Variants in SLC12A1 observed in about 807,000 individuals in gnomAD.
SLC12A1 encodes the protein solute carrier family 12 member 1.
A neutral mutation model predicts 130.4 loss-of-function variants in SLC12A1; 89 were observed. That is an observed-to-expected ratio of 0.68 (90% CI 0.58 to 0.81). The LOEUF (loss-of-function observed/expected upper bound fraction) is 0.81. Ranked by LOEUF, SLC12A1 falls within the 40% of genes least tolerant of loss-of-function variation. The pLI is 0.00. For synonymous variants in SLC12A1, 499 were observed against 460.0 expected, an observed-to-expected ratio of 1.08 and a Z score of -1.09; for missense variants, 1,310 against 1,336.4, an observed-to-expected ratio of 0.98 and a Z score of 0.31.
intron 2 of SLC12A1, among the ~76,000 whole-genome samples, chr15:48,210,612 T>C (rs1482987277): frequency 6.6e-6 from 1 of 151,514 alleles, no homozygotes; most frequent in Non-Finnish European, 1.5e-5. Context: ...CCTAGCACTT[T>C]GGGAGGCTGA....
At chr15:48,250,450 G>C (rs2041633792) in intron 14 of SLC12A1, among the ~76,000 whole-genome samples, 1 of 152,138 alleles carries the variant, frequency 6.6e-6, no homozygotes, top group African/African-American at 2.4e-5. Flanking sequence ...CGAATACTAG[G>C]CTACAGAAAG....
chr15:48,246,610 G>A lies in SLC12A1; in HGVS notation c.1453-299G>A, dbSNP rs185224395. On this transcript the variant is annotated intron_variant, in intron 11 of 26. Transcript: ENST00000380993. ...AGCCTGGCCAACATGGTGAAACCCC[G>A]TCTCTACTAGAAATACAAAAATTAG... Among the ~76,000 whole-genome samples, 497 of 152,186 alleles carry A rather than the reference G, an allele frequency of 3.3e-3. 2 individuals carry two copies. Among genetic ancestry groups the A allele is most frequent in the South Asian group, 0.018 (86 of 4,820 alleles).
In SLC12A1 at chr15:48,220,938, C is replaced by T. The variant is rs750745182; in HGVS notation, c.570C>T (p.Asn190=). ...VKGVLVRCML[N]IWGVMLFIRL... is the part of the protein sequence containing the mutation. The stretch of plus-strand genomic sequence containing the variant: ...ATCCACAGGTAAGATGCATGCTGAA[C>T]ATCTGGGGAGTCATGCTCTTCATTC... Residue 190 remains asparagine, a synonymous_variant, in exon 4 of 27, where the codon AAC becomes AAT. Coordinates refer to ENST00000380993, the MANE Select transcript of SLC12A1 (RefSeq NM_000338.3). 1.9e-6 allele frequency: 3 copies of T among 1,613,996 alleles called. No homozygotes were observed. Among genetic ancestry groups the T allele is most frequent in the South Asian group, 2.2e-5 (2 of 91,082 alleles).
chr15:48,288,486 A>G lies in SLC12A1; in HGVS notation c.2843A>G (p.Lys948Arg), dbSNP rs1389145789. The G allele has an allele frequency of 6.5e-7, 1 of 1,549,934 alleles. No homozygotes were observed. The highest frequency in any genetic ancestry group is 2.4e-5 in the East Asian group (1 of 41,810). The change falls in exon 23 of 27, where the codon AAG becomes AGG. Residue 948 changes from lysine (K) to arginine (R), a missense_variant. By Grantham distance (26) the Lys-to-Arg change is conservative. Transcript: ENST00000380993. Reference sequence around the variant, plus strand: ...AAATTAAGAATCTATGTGGGAGGGAAGATCAACCGCATTGAAGAAGAAAAA... The same window carrying G: ...AAATTAAGAATCTATGTGGGAGGGAGGATCAACCGCATTGAAGAAGAAAAA... ...DCKLRIYVGG[K>R]INRIEEEKIV...
At chr15:48,255,740 T>A in intron 15 of SLC12A1, 71 bp from the exon 16 acceptor site, 1 of 945,144 alleles carries the variant, frequency 1.1e-6, no homozygotes, top group Non-Finnish European at 1.6e-6. Context: ...AGGGAATGAC[T>A]TGTAAAATTA....
chr15:48,283,392 T>C (rs2042027409), intron 20 of SLC12A1, among the ~76,000 whole-genome samples: 1 of 152,258 alleles, frequency 6.6e-6, no homozygotes, highest in African/African-American at 2.4e-5. Flanking sequence ...ATGCAGCTTG[T>C]CTTCTCCTTT....
chr15:48,260,344 T>A (rs1360611639), intron 17 of SLC12A1, among the ~76,000 whole-genome samples: 1 of 77,726 alleles, frequency 1.3e-5, no homozygotes, highest in African/African-American at 5.2e-5. Context: ...TCTCTCTCTC[T>A]CTATCACACA....
chr15:48,223,487 G>C (rs2041242461), intron 4 of SLC12A1: 1 of 152,152 alleles, frequency 6.6e-6, no homozygotes. Context: ...ATAAAACTTT[G>C]TTCCAAGATT....
At chr15:48,295,269 A>T (rs2042165400) in intron 24 of SLC12A1, among the ~76,000 whole-genome samples, 1 of 152,082 alleles carries the variant, frequency 6.6e-6, no homozygotes, top group Non-Finnish European at 1.5e-5. Context: ...TTAGCTAAGC[A>T]TTATCAATGT....
chr15:48,282,330 G>A (rs2042016535), intron 20 of SLC12A1, among the ~76,000 whole-genome samples: 1 of 152,136 alleles, frequency 6.6e-6, no homozygotes, highest in Non-Finnish European at 1.5e-5. Flanking sequence ...TGGATGGGCT[G>A]TGCACATACC....
intron 25 of SLC12A1, among the ~76,000 whole-genome samples, chr15:48,300,051 G>A (rs190596710): frequency 3.3e-5 from 5 of 152,236 alleles, no homozygotes; most frequent in Admixed American, 2.6e-4. Flanking sequence ...AAATCTTAGG[G>A]CCGGGTGCAC....
rs2042084242 is a variant in SLC12A1, at chr15:48,288,526, T to G, written c.2873+10T>G. On this transcript the variant is annotated intron_variant, in intron 23 of 26. Transcript: ENST00000380993. The stretch of plus-strand genomic sequence containing the variant: ...AAGAAGAAAAAATTGTGTAAGTAGT[T>G]TGCCACTCACATGTTAGGTCATTTC... 1.6e-6 allele frequency: 2 copies of G among 1,243,934 alleles called. No homozygotes were observed. The highest frequency in any genetic ancestry group is 2.3e-6 in the Non-Finnish European group (2 of 867,172). 77.1% of individuals were successfully genotyped at this position (1,243,934 alleles called of 1,614,324 possible). A position where few individuals can be genotyped will look rare whatever the true frequency, so the allele number is the denominator to read the frequency against.
intron 24 of SLC12A1, among the ~76,000 whole-genome samples, chr15:48,296,298 G>C (rs547880389): frequency 6.6e-6 from 1 of 152,308 alleles, no homozygotes; most frequent in African/African-American, 2.4e-5. Context: ...AGTAAGTCTT[G>C]ATGGAGGAAT....
Position 48,207,801 on chromosome 15 carries a change from G to A in SLC12A1, c.82G>A (p.Glu28Lys). ...TNRFQVSVINENHESSAAADD... is the reference protein window; with the variant it reads ...TNRFQVSVINKNHESSAAADD... The stretch of plus-strand genomic sequence containing the variant: ...TCGCTTTCAAGTTAGTGTCATAAAT[G>A]AGAACCATGAGAGCAGTGCAGCTGC... The change falls in exon 2 of 27, where the codon GAG (glutamate) becomes AAG (lysine). Residue 28 changes from glutamate (E) to lysine (K), a missense_variant. Transcript: ENST00000380993. 1.9e-6 allele frequency: 3 copies of A among 1,613,792 alleles called. No individual in the cohort carries two copies. Among genetic ancestry groups the A allele is most frequent in the South Asian group, 1.1e-5 (1 of 91,012 alleles).
At chr15:48,255,206 G>A (rs991167958) in intron 15 of SLC12A1, among the ~76,000 whole-genome samples, 1 of 152,184 alleles carries the variant, frequency 6.6e-6, no homozygotes, top group Non-Finnish European at 1.5e-5. Flanking sequence ...CTGAGAGACC[G>A]AGATGGGTGG....
Position 48,266,801 on chromosome 15 carries a change from G to A in SLC12A1, c.2155-760G>A, listed in dbSNP as rs537521549. Among the ~76,000 whole-genome samples, 9 of 152,226 alleles carry A rather than the reference G, an allele frequency of 5.9e-5. No individual in the cohort carries two copies. The South Asian group carries it at 1.9e-3, about 32-fold the overall frequency. On this transcript the variant is annotated intron_variant, in intron 17 of 26. Coordinates refer to ENST00000380993, the MANE Select transcript of SLC12A1 (RefSeq NM_000338.3). ...GAAAAGAACTAGCTTGGACATTTAA[G>A]GAAGGAGAAATAAAAATAGAATTTT...
intron 13 of SLC12A1, among the ~76,000 whole-genome samples, chr15:48,248,150 A>G (rs1333635563): frequency 6.6e-6 from 1 of 152,190 alleles, no homozygotes; most frequent in Admixed American, 6.5e-5. Context: ...AAGGCAGAGG[A>G]CATTGGGAGC....
intron 13 of SLC12A1, among the ~76,000 whole-genome samples, chr15:48,249,034 C>T (rs1337422487): frequency 6.6e-6 from 1 of 152,078 alleles, no homozygotes; most frequent in Non-Finnish European, 1.5e-5. Context: ...GAGCTAGACT[C>T]TATCTCAAAA....
Position 48,207,537 on chromosome 15 carries a change from T to C in SLC12A1, c.-183T>C. On this transcript the variant is annotated 5_prime_UTR_variant, in exon 2 of 27. Coordinates refer to ENST00000380993, the MANE Select transcript of SLC12A1 (RefSeq NM_000338.3). ...TAATTTTCTTTTTCAATGACAGCTT[T>C]GAAGAACATCCTGAAGATTATATCG... is the stretch of plus-strand genomic sequence containing the variant. The C allele has an allele frequency of 2.2e-6, 1 of 451,740 alleles. No individual in the cohort carries two copies. The highest frequency in any genetic ancestry group is 3.8e-6 in the Non-Finnish European group (1 of 263,968). The allele number at this position is 451,740 out of a possible 1,614,324, so 28.0% of individuals were successfully genotyped here.
Sources: allele counts gnomAD v4.1 joint callset (sites outside exome capture counted in the v4.1 genomes callset), GRCh38; gene constraint gnomAD v4.1.1; transcripts MANE v1.5; gene names NCBI Gene and HGNC (gene_info 2026-07-23, HGNC 2026-07-21).